The following CNIH3 variants were observed in gnomAD, a reference collection of about 807,000 sequenced individuals.
CNIH3 encodes protein cornichon homolog 3.
In CNIH3, 14 loss-of-function variants were observed where a neutral mutation model predicts 24.1. That is an observed-to-expected ratio of 0.58 (90% CI 0.38 to 0.91). CNIH3 has a LOEUF of 0.91. Among genes scored for constraint, CNIH3 ranks in the 40% least tolerant of loss-of-function variants. The pLI, the probability that CNIH3 is intolerant of heterozygous loss-of-function variation, is 0.00. For synonymous variants in CNIH3, 68 were observed against 73.8 expected (o/e 0.92, Z 0.40); for missense variants, 178 against 196.8 (o/e 0.90, Z 0.57).
At chr1:224,643,141 C>G (rs1684440406) in intron 1 of CNIH3, among the ~76,000 whole-genome samples, 1 of 152,148 alleles carries the variant, frequency 6.6e-6, no homozygotes, top group South Asian at 2.1e-4. Flanking sequence ...ACTTTGTATT[C>G]CTGTCCTCAA....
intron 3 of CNIH3, among the ~76,000 whole-genome samples, chr1:224,551,709 G>A (rs548315717): frequency 1.3e-4 from 19 of 151,986 alleles, no homozygotes; most frequent in African/African-American, 4.1e-4. Flanking sequence ...GATATTAGGA[G>A]TAGTATATCG....
At chr1:224,626,416 A>C (rs1683527951) in intron 1 of CNIH3, among the ~76,000 whole-genome samples, 1 of 152,254 alleles carries the variant, frequency 6.6e-6, no homozygotes, top group Admixed American at 6.5e-5. Context: ...TCAGACTCGC[A>C]AATATTTTTA....
Position 224,554,618 on chromosome 1 carries a change from C to T in CNIH3, n.450+7679C>T, listed in dbSNP as rs1434389972. ...TGTTGTTTCGAGTCAGGGTCTTGTT[C>T]TGTCACCCAGACTGGAGTGCAGTGG... On this transcript the variant is annotated intron_variant and non_coding_transcript_variant, in intron 3 of 5. Transcript: ENST00000471578. Among the ~76,000 whole-genome samples, 6 of 150,518 alleles carry T rather than the reference C, an allele frequency of 4.0e-5. No individual in the cohort carries two copies. The Admixed American group carries it at 4.0e-4, about 10-fold the overall frequency.
At chr1:224,667,514 G>A (rs1031922178) in intron 1 of CNIH3, among the ~76,000 whole-genome samples, 16 of 152,168 alleles carry the variant, frequency 1.1e-4, no homozygotes, top group Non-Finnish European at 2.1e-4. Flanking sequence ...GCATCTAAGC[G>A]ACAATGAACG....
chr1:224,648,230 G>C (rs1684703435), intron 1 of CNIH3, among the ~76,000 whole-genome samples: 1 of 152,090 alleles, frequency 6.6e-6, no homozygotes. Flanking sequence ...TGGCCAACAT[G>C]GTGAAACCCT....
At chr1:224,470,175 T>C (rs1381446459) in intron 1 of CNIH3, among the ~76,000 whole-genome samples, 2 of 151,908 alleles carry the variant, frequency 1.3e-5, no homozygotes, top group South Asian at 2.1e-4. Flanking sequence ...CCCGCCACCA[T>C]GCCCGGCTAA....
Position 224,616,348 on chromosome 1 carries a change from C to A in CNIH3, c.-827C>A. On this transcript the variant is annotated 5_prime_UTR_variant, in exon 1 of 6. Transcript: ENST00000272133. ...GCAAAGGCGGCGGCGGCGGCGGCGG[C>A]AGCGGCAGCAGCAGGTGGAGCGAGC... 1 of 538,344 alleles carries A rather than the reference C, an allele frequency of 1.9e-6. No individual in the cohort carries two copies. Among genetic ancestry groups the A allele is most frequent in the Non-Finnish European group, 2.5e-6 (1 of 399,644 alleles). The allele number at this position is 538,344 out of a possible 1,614,324, so 33.3% of individuals were successfully genotyped here.
Position 224,452,714 on chromosome 1 carries a change from A to G in CNIH3, n.203+17852A>G, listed in dbSNP as rs61825773. Among the ~76,000 whole-genome samples, 97 of 147,140 alleles carry G rather than the reference A, an allele frequency of 6.6e-4. 2 individuals carry two copies. In the East Asian group the frequency reaches 9.9e-3, roughly 15 times the overall value. The stretch of plus-strand genomic sequence containing the variant: ...GGAGAATGGCATGAACCTGGGAGGC[A>G]GAGCTTGCAGTGAGCCGAGATCGCG... On this transcript the variant is annotated intron_variant and non_coding_transcript_variant, in intron 1 of 5. Transcript: ENST00000471578.
At chr1:224,563,280 T>C (rs1680448400) in intron 3 of CNIH3, among the ~76,000 whole-genome samples, 1 of 152,042 alleles carries the variant, frequency 6.6e-6, no homozygotes, top group Admixed American at 6.6e-5. Flanking sequence ...CAAAATGAAC[T>C]AAGACAGTCA....
rs528421287 is a variant in CNIH3 at position 224,491,085 on chromosome 1, A to G, written n.204-24656A>G. On this transcript the variant is annotated intron_variant and non_coding_transcript_variant, in intron 1 of 5. Coordinates refer to the CNIH3 transcript ENST00000471578. ...GTTCTCAATCTTGTCTGCCTATTACAAGGTTACAGTTTGTCCACAAGTACT... is the reference window on the plus strand; with the variant it reads ...GTTCTCAATCTTGTCTGCCTATTACGAGGTTACAGTTTGTCCACAAGTACT... Among the ~76,000 whole-genome samples the G allele has an allele frequency of 7.9e-5, 12 of 152,320 alleles. No individual in the cohort carries two copies. In the South Asian group the frequency reaches 1.9e-3, roughly 24 times the overall value.
At chr1:224,700,540 TC>T (rs1208262261) in intron 3 of CNIH3, among the ~76,000 whole-genome samples, 11 of 152,212 alleles carry the variant, frequency 7.2e-5, no homozygotes, top group Admixed American at 2.6e-4. Context: ...GTTTTAATTT[TC>T]CTAGCACTTT....
In CNIH3 at chr1:224,711,345, G is replaced by C. The variant is rs75301553; in HGVS notation, c.199-19117G>C. On this transcript the variant is annotated intron_variant, in intron 3 of 5. Coordinates refer to ENST00000272133, the MANE Select transcript of CNIH3 (RefSeq NM_152495.2). The stretch of plus-strand genomic sequence containing the variant: ...CTCTCTTTTTTTTTTTTGGAGACAG[G>C]GTTTTTGTTCTGTCGCCCAAGCTGG... Among the ~76,000 whole-genome samples the C allele has an allele frequency of 4.7e-3, 706 of 149,892 alleles. 7 individuals carry two copies. The highest frequency in any genetic ancestry group is 0.036 in the South Asian group (170 of 4,718).
chr1:224,562,956 A>C (rs1680434069), intron 3 of CNIH3, among the ~76,000 whole-genome samples: 1 of 152,224 alleles, frequency 6.6e-6, no homozygotes, highest in Admixed American at 6.5e-5. Context: ...GCTACTGAAG[A>C]GTGTGTAAAA....
chr1:224,525,857 G>A (rs536587160), intron 2 of CNIH3, among the ~76,000 whole-genome samples: 82 of 152,214 alleles, frequency 5.4e-4, no homozygotes, highest in Admixed American at 2.0e-3. Flanking sequence ...AACTGGCCAG[G>A]CAGAAGAGCC....
chr1:224,650,079 G>A (rs1488758388), intron 1 of CNIH3, among the ~76,000 whole-genome samples: 1 of 152,190 alleles, frequency 6.6e-6, no homozygotes, highest in Non-Finnish European at 1.5e-5. Context: ...GGCACGAAGT[G>A]TTGTGTGTCA....
At chr1:224,650,321 A>G (rs936449283) in intron 1 of CNIH3, among the ~76,000 whole-genome samples, 1 of 152,154 alleles carries the variant, frequency 6.6e-6, no homozygotes, top group African/African-American at 2.4e-5. Context: ...TCCACGGGAT[A>G]CAAGTTTCTC....
At chr1:224,603,135 G>A (rs1333686649) in intron 3 of CNIH3, among the ~76,000 whole-genome samples, 1 of 151,582 alleles carries the variant, frequency 6.6e-6, no homozygotes, top group Non-Finnish European at 1.5e-5. Context: ...CAAAAGAAAA[G>A]AAGGAGGCAG....
At chr1:224,441,009 G>C (rs1044406467) in intron 1 of CNIH3, among the ~76,000 whole-genome samples, 1 of 152,036 alleles carries the variant, frequency 6.6e-6, no homozygotes, top group African/African-American at 2.4e-5. Context: ...GTAGAGACAG[G>C]GTTTCACCGT....
intron 1 of CNIH3, among the ~76,000 whole-genome samples, chr1:224,677,325 T>A (rs1250284671): frequency 6.6e-6 from 1 of 152,180 alleles, no homozygotes; most frequent in Non-Finnish European, 1.5e-5. Flanking sequence ...ATGGGGGTCT[T>A]CCCCTCTAGA....
Sources: allele counts gnomAD v4.1 joint callset (sites outside exome capture counted in the v4.1 genomes callset), GRCh38; gene constraint gnomAD v4.1.1; transcripts MANE v1.5; gene names NCBI Gene and HGNC (gene_info 2026-07-23, HGNC 2026-07-21).